GAS7: variants seen among roughly 807,000 people sequenced by gnomAD.
GAS7 encodes growth arrest specific 7, also known as growth arrest-specific protein 7.
In GAS7, 28 loss-of-function variants were observed where a neutral mutation model predicts 71.1. The observed-to-expected ratio is 0.39, with a 90% CI of 0.29 to 0.54. The LOEUF (loss-of-function observed/expected upper bound fraction) is 0.54. Among genes scored for constraint, GAS7 ranks in the 20% least tolerant of loss-of-function variants. The probability of loss-of-function intolerance (pLI) is 0.62; values close to 1 mark genes in which losing one functional copy is unlikely to be tolerated. For synonymous variants in GAS7, 258 were observed against 245.8 expected (o/e 1.05, Z -0.46); for missense variants, 436 against 627.8 (o/e 0.69, Z 3.27).
intron 4 of GAS7, among the ~76,000 whole-genome samples, chr17:9,963,115 C>T (rs2069567853): frequency 6.6e-6 from 1 of 150,538 alleles, no homozygotes; most frequent in African/African-American, 2.4e-5. Context: ...TTGGATGAAA[C>T]GTTCTATCCA....
intron 6 of GAS7, among the ~76,000 whole-genome samples, chr17:9,944,774 T>C (rs2068730033): frequency 6.6e-6 from 1 of 152,186 alleles, no homozygotes; most frequent in Non-Finnish European, 1.5e-5. Flanking sequence ...TGCTTCACTC[T>C]ACGAATGCTA....
chr17:10,127,198 C>T (rs892288572), intron 1 of GAS7, among the ~76,000 whole-genome samples: 1 of 152,212 alleles, frequency 6.6e-6, no homozygotes, highest in Non-Finnish European at 1.5e-5. Context: ...CCTTCCACGG[C>T]TCTGGACAGT....
intron 1 of GAS7, among the ~76,000 whole-genome samples, chr17:10,131,271 C>T (rs115298106): frequency 1.3e-5 from 2 of 152,196 alleles, no homozygotes; most frequent in Non-Finnish European, 1.5e-5. Flanking sequence ...CTGAACACAG[C>T]GGGGCCTGAT....
intron 1 of GAS7, among the ~76,000 whole-genome samples, chr17:10,191,057 C>T (rs1400833270): frequency 1.3e-5 from 2 of 151,750 alleles, no homozygotes; most frequent in Admixed American, 6.6e-5. Flanking sequence ...TGCCCGTAAT[C>T]CCAGCTACCC....
At chr17:9,938,470 CA>C (rs34813185) in intron 8 of GAS7, among the ~76,000 whole-genome samples, 11,019 of 65,338 alleles carry the variant, frequency 0.17, 278 homozygotes, top group Middle Eastern at 0.2. Context: ...GACTCTGTCT[CA>C]AAAAAAAAAA....
Position 9,913,565 on chromosome 17 carries a change from T to G in GAS7, c.*3663A>C, listed in dbSNP as rs1289133226. On this transcript the variant is annotated 3_prime_UTR_variant, in exon 14 of 14. Coordinates refer to ENST00000432992, the MANE Select transcript of GAS7 (RefSeq NM_201433.2). ...GTTGGTGAATTCGTTGGTACACTGT[T>G]TCGGTGTGCCCAGCTGTTTATCAAT... 1 of 231,184 alleles carries G rather than the reference T, an allele frequency of 4.3e-6. No homozygotes were observed. Among genetic ancestry groups the G allele is most frequent in the Non-Finnish European group, 8.6e-6 (1 of 116,648 alleles). 14.3% of individuals were successfully genotyped at this position (231,184 alleles called of 1,614,324 possible).
intron 1 of GAS7, among the ~76,000 whole-genome samples, chr17:10,038,044 G>A (rs1430405904): frequency 6.6e-6 from 1 of 151,732 alleles, no homozygotes; most frequent in Non-Finnish European, 1.5e-5. Context: ...ACACCCATTA[G>A]GACAGGTTCT....
At chr17:10,187,949 G>T (rs767043066) in intron 1 of GAS7, among the ~76,000 whole-genome samples, 4 of 152,164 alleles carry the variant, frequency 2.6e-5, no homozygotes, top group Non-Finnish European at 5.9e-5. Flanking sequence ...AAGACATTTA[G>T]CATCATTAAC....
At position 10,103,717 on chromosome 17, in the gene GAS7, T is replaced by C. The variant is rs2073730018; in HGVS notation, c.184-83820A>G. Among the ~76,000 whole-genome samples, 1 of 151,486 alleles carries C rather than the reference T, an allele frequency of 6.6e-6. No homozygotes were observed. Among genetic ancestry groups the C allele is most frequent in the East Asian group, 1.9e-4 (1 of 5,138 alleles). On this transcript the variant is annotated intron_variant, in intron 1 of 13. Coordinates refer to ENST00000432992, the MANE Select transcript of GAS7 (RefSeq NM_201433.2). The surrounding 1 kb of genome is among the most constrained non-coding windows in gnomAD (Gnocchi z 5.5). ...GGCACATGCCTGTAATCCCGGCTAC[T>C]AGGGAGGCTGAGGCAGGAGAACTGC...
intron 2 of GAS7, among the ~76,000 whole-genome samples, chr17:9,992,769 A>C (rs9891049): frequency 0.071 from 5,588 of 78,618 alleles, 310 homozygotes; most frequent in African/African-American, 0.2. Context: ...CCAACCCCAC[A>C]ACAGTCCCCA....
At position 10,034,369 on chromosome 17, in the gene GAS7, C is replaced by A; in HGVS notation, c.184-14472G>T. On this transcript the variant is annotated intron_variant, in intron 1 of 13. Transcript: ENST00000432992. This position sits in a 1 kb window ranked among gnomAD's most constrained non-coding sequence, Gnocchi z 4.4. ...TGTCACCCAGGCTGGAGTGCAGTGG[C>A]GTGATCTCGGCTCACTGCAACCTAA... 3.6e-6 allele frequency: 1 copy of A among 277,122 alleles called. No homozygotes were observed. Among genetic ancestry groups the A allele is most frequent in the Non-Finnish European group, 5.4e-6 (1 of 183,688 alleles). The allele number at this position is 277,122 out of a possible 1,614,324, so 17.2% of individuals were successfully genotyped here.
chr17:9,925,021 T>A (rs896582050), intron 11 of GAS7, among the ~76,000 whole-genome samples: 2 of 152,232 alleles, frequency 1.3e-5, no homozygotes, highest in African/African-American at 4.8e-5. Context: ...CAGGAGCCCA[T>A]CCCCATAGGT....
chr17:9,927,805 G>A (rs950523173), intron 9 of GAS7, among the ~76,000 whole-genome samples: 4 of 152,186 alleles, frequency 2.6e-5, no homozygotes, highest in Non-Finnish European at 4.4e-5. Context: ...TCCAAACCTC[G>A]AGGAACTGAT....
chr17:9,943,224 C>T lies in GAS7; in HGVS notation c.628G>A (p.Asp210Asn). 1 of 1,600,118 alleles carries T rather than the reference C, an allele frequency of 6.2e-7. No homozygotes were observed. The highest frequency in any genetic ancestry group is 1.3e-5 in the African/African-American group (1 of 74,786). The change falls in exon 7 of 14, where the codon GAC (aspartate) becomes AAC (asparagine). Residue 210 changes from aspartate (D) to asparagine (N), a missense_variant. Physicochemically the swap from Asp to Asn is conservative, Grantham distance 23. Coordinates refer to ENST00000432992, the MANE Select transcript of GAS7 (RefSeq NM_201433.2). ...YCDYFWADKK[D>N]PQGNGTVAGF... ...GCCACGGTGCCGTTGCCTTGGGGGTCCTTCTTATCAGCCTACAAAGGAAGC... is the reference window on the plus strand; with the variant it reads ...GCCACGGTGCCGTTGCCTTGGGGGTTCTTCTTATCAGCCTACAAAGGAAGC...
chr17:10,045,357 G>A lies in GAS7; in HGVS notation c.184-25460C>T, dbSNP rs527896886. Among the ~76,000 whole-genome samples the A allele has an allele frequency of 3.9e-5, 6 of 152,288 alleles. No homozygotes were observed. In the South Asian group the frequency reaches 1.2e-3, roughly 32 times the overall value. ...AGTTTCTTGTACATATCATGGTAGA[G>A]TCCTAGGACCCTTATAAAATTTCTA... On this transcript the variant is annotated intron_variant, in intron 1 of 13. Transcript: ENST00000432992.
At chr17:10,043,526 C>T (rs554458870) in intron 1 of GAS7, among the ~76,000 whole-genome samples, 7 of 152,136 alleles carry the variant, frequency 4.6e-5, no homozygotes, top group East Asian at 1.9e-4. Flanking sequence ...GAAGCCTTAG[C>T]GATAACCTAA....
At chr17:9,925,384 G>C in intron 11 of GAS7, 92 bp downstream of exon 11, 1 of 1,320,718 alleles carries the variant, frequency 7.6e-7, no homozygotes, top group Non-Finnish European at 1.1e-6. Context: ...TTGCAAAGGA[G>C]AGATGCACCC....
chr17:10,041,393 C>A lies in GAS7; in HGVS notation c.184-21496G>T, dbSNP rs114318904. Among the ~76,000 whole-genome samples, 1,049 of 152,264 alleles carry A rather than the reference C, an allele frequency of 6.9e-3. 18 individuals carry two copies. Among genetic ancestry groups the A allele is most frequent in the African/African-American group, 0.023 (972 of 41,530 alleles). On this transcript the variant is annotated intron_variant, in intron 1 of 13. Coordinates refer to ENST00000432992, the MANE Select transcript of GAS7 (RefSeq NM_201433.2). Reference sequence around the variant, plus strand: ...ATTGCATCACACAGACGAACAGATACAATCACAGACAACAATGCATCACTC... The same window carrying A: ...ATTGCATCACACAGACGAACAGATAAAATCACAGACAACAATGCATCACTC...
chr17:10,028,894 A>G (rs1440971832), intron 1 of GAS7, among the ~76,000 whole-genome samples: 1 of 152,244 alleles, frequency 6.6e-6, no homozygotes, highest in Non-Finnish European at 1.5e-5. Flanking sequence ...TGCAAACGTG[A>G]GGACAGAACA....
Sources: gnomAD v4.1 joint callset for allele counts (sites outside exome capture counted in the v4.1 genomes callset) on GRCh38, gnomAD v4.1.1 for gene constraint, Gnocchi (gnomAD v3.1) non-coding constraint, MANE v1.5 for transcripts, NCBI Gene and HGNC (gene_info 2026-07-23, HGNC 2026-07-21) for gene names.